PDE4B: variants seen among roughly 807,000 people sequenced by gnomAD.
PDE4B encodes the protein 3',5'-cyclic-AMP phosphodiesterase 4B.
PDE4B carries 20 observed loss-of-function variants against 82.2 expected under a neutral mutation model. The ratio of observed to expected loss-of-function variants is 0.24; its 90% CI spans 0.17 to 0.35. The LOEUF (loss-of-function observed/expected upper bound fraction) is 0.35. PDE4B is among the 10% of genes least tolerant of loss of function. The probability of loss-of-function intolerance (pLI) is 1.00; values close to 1 mark genes in which losing one functional copy is unlikely to be tolerated. For synonymous variants in PDE4B, 320 were observed against 318.9 expected, an observed-to-expected ratio of 1.00 and a Z score of -0.04; for missense variants, 655 against 907.2, an observed-to-expected ratio of 0.72 and a Z score of 3.57.
chr1:66,237,922 T>C (rs1229001942), intron 3 of PDE4B, among the ~76,000 whole-genome samples: 1 of 152,030 alleles, frequency 6.6e-6, no homozygotes, highest in Non-Finnish European at 1.5e-5. Flanking sequence ...ATGGCCCTCG[T>C]GGGGCTTAGA....
chr1:66,053,536 C>G (rs569364126), intron 3 of PDE4B, among the ~76,000 whole-genome samples: 40 of 152,078 alleles, frequency 2.6e-4, no homozygotes, highest in Admixed American at 1.4e-3. Context: ...GATAGAGTAA[C>G]CTGGCCAAGG....
intron 3 of PDE4B, among the ~76,000 whole-genome samples, chr1:66,148,143 A>G (rs1242693998): frequency 1.3e-5 from 2 of 152,000 alleles, no homozygotes; most frequent in Non-Finnish European, 2.9e-5. Context: ...GGTGGTGAGT[A>G]CCTGTAATTT....
chr1:66,224,975 C>A (rs1651317506), intron 3 of PDE4B, among the ~76,000 whole-genome samples: 1 of 152,218 alleles, frequency 6.6e-6, no homozygotes, highest in African/African-American at 2.4e-5. Context: ...GTCACCGAAT[C>A]TACCAATGTG....
Position 66,056,674 on chromosome 1 carries a change from G to A in PDE4B, c.281+137839G>A, listed in dbSNP as rs189504511. Among the ~76,000 whole-genome samples, 26 of 152,218 alleles carry A rather than the reference G, an allele frequency of 1.7e-4. No homozygotes were observed. In the East Asian group the frequency reaches 5.0e-3, roughly 29 times the overall value. On this transcript the variant is annotated intron_variant, in intron 3 of 16. Coordinates refer to ENST00000341517, the MANE Select transcript of PDE4B (RefSeq NM_002600.4). ...TCTTTAAAAGTGGAAGACCTTTTAT[G>A]CCTTTCCTGGCTGTGGTTAAAGAGA... is the stretch of plus-strand genomic sequence containing the variant.
Position 65,890,463 on chromosome 1 carries a change from C to G in PDE4B, c.-70-22782C>G, listed in dbSNP as rs146621499. On this transcript the variant is annotated intron_variant, in intron 1 of 16. Coordinates refer to ENST00000341517, the MANE Select transcript of PDE4B (RefSeq NM_002600.4). Reference sequence around the variant, plus strand: ...ATTAGTTTCAGTTGAGCTTTGCTTACTGTGGTAACTTGAATATCCAGATGA... The same window carrying G: ...ATTAGTTTCAGTTGAGCTTTGCTTAGTGTGGTAACTTGAATATCCAGATGA... 2.4e-4 allele frequency among the ~76,000 whole-genome samples: 36 copies of G among 152,196 alleles called. 1 individual carries two copies. The highest frequency in any genetic ancestry group is 8.4e-4 in the African/African-American group (35 of 41,574).
At chr1:66,103,880 A>G (rs79220596) in intron 3 of PDE4B, among the ~76,000 whole-genome samples, 1,928 of 152,212 alleles carry the variant, frequency 0.013, 48 homozygotes, top group African/African-American at 0.045. Flanking sequence ...GCACAAAAAC[A>G]TACCAACTAC....
At chr1:66,062,853 T>C (rs1006808594) in intron 3 of PDE4B, 1 of 152,110 alleles carries the variant, frequency 6.6e-6, no homozygotes, top group Non-Finnish European at 1.5e-5. Context: ...GTTGACCATT[T>C]TAATACAATT....
At chr1:65,919,172 A>C (rs1471270555) in intron 3 of PDE4B, among the ~76,000 whole-genome samples, 2 of 152,232 alleles carry the variant, frequency 1.3e-5, no homozygotes, top group African/African-American at 4.8e-5. Context: ...TGACTTAGAA[A>C]AACAAATTAC....
At chr1:66,026,330 A>G (rs1464535700) in intron 3 of PDE4B, among the ~76,000 whole-genome samples, 2 of 152,166 alleles carry the variant, frequency 1.3e-5, no homozygotes, top group African/African-American at 2.4e-5. Context: ...TTTCATGTCA[A>G]TGGTCCCTTT....
rs895393608 is a variant in PDE4B, at chr1:66,262,888, G to A, written c.585-3150G>A. ...GTATAGTATGAGTAATTTCCAAGAA[G>A]TCATTGAGAGAATTAGGCACTGTGA... is the stretch of plus-strand genomic sequence containing the variant. On this transcript the variant is annotated intron_variant, in intron 6 of 16. Coordinates refer to ENST00000341517, the MANE Select transcript of PDE4B (RefSeq NM_002600.4). Among the ~76,000 whole-genome samples, 3 of 152,160 alleles carry A rather than the reference G, an allele frequency of 2.0e-5. No homozygotes were observed. The South Asian group carries it at 6.2e-4, about 31-fold the overall frequency.
intron 8 of PDE4B, among the ~76,000 whole-genome samples, chr1:66,333,781 G>C (rs1660302463): frequency 1.3e-5 from 2 of 152,208 alleles, no homozygotes; most frequent in South Asian, 4.2e-4. Flanking sequence ...AGGAGGGGAG[G>C]GGGGACTCTT....
At chr1:65,929,156 G>A (rs1647688690) in intron 3 of PDE4B, among the ~76,000 whole-genome samples, 3 of 152,170 alleles carry the variant, frequency 2.0e-5, no homozygotes, top group African/African-American at 4.8e-5. Flanking sequence ...CAGGTTGGGG[G>A]TGGCTCCTGA....
intron 3 of PDE4B, among the ~76,000 whole-genome samples, chr1:66,025,770 A>T (rs888648437): frequency 3.3e-5 from 5 of 152,210 alleles, no homozygotes; most frequent in African/African-American, 1.2e-4. Flanking sequence ...ATTCTCTGCA[A>T]TATCCAGCAA....
At chr1:65,877,155 T>TA (rs1274606737) in intron 1 of PDE4B, among the ~76,000 whole-genome samples, 4 of 152,158 alleles carry the variant, frequency 2.6e-5, no homozygotes, top group African/African-American at 9.7e-5. Flanking sequence ...CAAACTATAC[T>TA]ACAAGGCTAC....
intron 3 of PDE4B, among the ~76,000 whole-genome samples, chr1:66,069,390 C>G (rs185012997): frequency 6.6e-5 from 10 of 152,126 alleles, no homozygotes; most frequent in Admixed American, 6.6e-4. Context: ...AACTTCAAAG[C>G]AAATCTCAAA....
intron 7 of PDE4B, among the ~76,000 whole-genome samples, chr1:66,307,245 G>A (rs1327902044): frequency 6.6e-6 from 1 of 152,146 alleles, no homozygotes; most frequent in Non-Finnish European, 1.5e-5. Flanking sequence ...AGGGCCTAAA[G>A]AAAAGCTTTC....
At chr1:65,966,076 G>A (rs561214733) in intron 3 of PDE4B, among the ~76,000 whole-genome samples, 4 of 152,012 alleles carry the variant, frequency 2.6e-5, no homozygotes, top group Non-Finnish European at 5.9e-5. Context: ...AGAAATAAAG[G>A]GTATTCAAAT....
At chr1:66,223,508 A>G (rs1019046389) in intron 3 of PDE4B, among the ~76,000 whole-genome samples, 3 of 152,178 alleles carry the variant, frequency 2.0e-5, no homozygotes, top group African/African-American at 7.2e-5. Context: ...CACATTTCCT[A>G]AGATAAATGA....
chr1:65,877,630 A>AATAC (rs1158396728), intron 1 of PDE4B, among the ~76,000 whole-genome samples: 127 of 150,734 alleles, frequency 8.4e-4, no homozygotes, highest in African/African-American at 3.0e-3. Context: ...TAAATAAATA[A>AATAC]ATAAATAAAT....
Sources: allele counts gnomAD v4.1 joint callset (sites outside exome capture counted in the v4.1 genomes callset), GRCh38; gene constraint gnomAD v4.1.1; transcripts MANE v1.5; gene names NCBI Gene and HGNC (gene_info 2026-07-23, HGNC 2026-07-21).